Variants in PRICKLE1 observed in about 807,000 individuals in gnomAD.
PRICKLE1 encodes the protein prickle-like protein 1.
In PRICKLE1, 14 loss-of-function variants were observed where a neutral mutation model predicts 70.2. The observed-to-expected ratio is 0.20, with a 90% CI of 0.13 to 0.31. The LOEUF is 0.31. Among genes scored for constraint, PRICKLE1 ranks in the 10% least tolerant of loss-of-function variants. PRICKLE1 has a pLI of 1.00. For synonymous variants in PRICKLE1, 357 were observed against 379.9 expected (o/e 0.94, Z 0.70); for missense variants, 821 against 1,026.2 (o/e 0.80, Z 2.73).
chr12:42,560,243 T>A (rs1566126758), intron 1 of PRICKLE1, among the ~76,000 whole-genome samples: 1 of 151,788 alleles, frequency 6.6e-6, no homozygotes, highest in East Asian at 1.9e-4. Flanking sequence ...TTCAAGCAAT[T>A]TCTCCTGTCT....
chr12:42,527,221 C>T (rs183076081), intron 1 of PRICKLE1, among the ~76,000 whole-genome samples: 1 of 147,414 alleles, frequency 6.8e-6, no homozygotes, highest in East Asian at 2.1e-4. Flanking sequence ...CAATCTCTGC[C>T]TCCCAGGTTC....
intron 1 of PRICKLE1, among the ~76,000 whole-genome samples, chr12:42,536,037 C>G (rs1257613427): frequency 6.6e-6 from 1 of 152,202 alleles, no homozygotes; most frequent in African/African-American, 2.4e-5. Context: ...TTCAAAGCAA[C>G]ACCCGAGTAA....
chr12:42,569,278 T>A (rs1439291079), intron 1 of PRICKLE1, among the ~76,000 whole-genome samples: 1 of 152,198 alleles, frequency 6.6e-6, no homozygotes, highest in Non-Finnish European at 1.5e-5. Context: ...CATTTTACAT[T>A]TAAAAACAAA....
chr12:42,544,331 AT>A (rs1200021273), intron 1 of PRICKLE1, among the ~76,000 whole-genome samples: 1 of 151,968 alleles, frequency 6.6e-6, no homozygotes, highest in Admixed American at 6.6e-5. Flanking sequence ...AGTAGATGTA[AT>A]TTTTTTTGTA....
chr12:42,483,513 G>A (rs1938883479), intron 1 of PRICKLE1: 2 of 151,974 alleles, frequency 1.3e-5, no homozygotes, highest in African/African-American at 2.4e-5. Context: ...GAGGACTCCC[G>A]AAGGAACAGA....
chr12:42,571,314 T>C lies in PRICKLE1; in HGVS notation c.-49+18151A>G, dbSNP rs12298993. 7.5e-3 allele frequency among the ~76,000 whole-genome samples: 1,140 copies of C among 152,276 alleles called. 18 individuals are homozygous for C. Among genetic ancestry groups the C allele is most frequent in the African/African-American group, 0.025 (1,053 of 41,548 alleles). ...ATGAGTTTCAGAGTAAAAAAAAAGATCAGTAAACTGGTTTTATGAAGAGGT... is the reference window on the plus strand; with the variant it reads ...ATGAGTTTCAGAGTAAAAAAAAAGACCAGTAAACTGGTTTTATGAAGAGGT... On this transcript the variant is annotated intron_variant, in intron 1 of 7. Transcript: ENST00000345127.
chr12:42,554,235 T>C (rs898319953), intron 1 of PRICKLE1, among the ~76,000 whole-genome samples: 2 of 152,234 alleles, frequency 1.3e-5, no homozygotes, highest in Non-Finnish European at 2.9e-5. Flanking sequence ...TTTTGTTTAT[T>C]GTTGTGAAGA....
chr12:42,479,675 C>T (rs1317797928), intron 1 of PRICKLE1, among the ~76,000 whole-genome samples: 2 of 152,080 alleles, frequency 1.3e-5, no homozygotes, highest in African/African-American at 2.4e-5. Context: ...GAAATGTAGC[C>T]ACCGGGTGCA....
At chr12:42,557,718 G>T (rs532961874) in intron 1 of PRICKLE1, among the ~76,000 whole-genome samples, 1 of 152,306 alleles carries the variant, frequency 6.6e-6, no homozygotes, top group Non-Finnish European at 1.5e-5. Flanking sequence ...TTCTGTGGGA[G>T]TCATCTTGTT....
chr12:42,492,030 T>C (rs1379611303), intron 1 of PRICKLE1, among the ~76,000 whole-genome samples: 1 of 151,844 alleles, frequency 6.6e-6, no homozygotes, highest in Non-Finnish European at 1.5e-5. Context: ...ATGACCTGCC[T>C]GTCTCGGCCT....
intron 1 of PRICKLE1, among the ~76,000 whole-genome samples, chr12:42,582,558 A>T (rs564460911): frequency 6.6e-6 from 1 of 152,372 alleles, no homozygotes; most frequent in East Asian, 1.9e-4. Flanking sequence ...AGAATGTAAA[A>T]TGTAATCTCT....
At chr12:42,541,676 C>T (rs890712589) in intron 1 of PRICKLE1, among the ~76,000 whole-genome samples, 2 of 152,094 alleles carry the variant, frequency 1.3e-5, no homozygotes, top group African/African-American at 4.8e-5. Flanking sequence ...CTGTTTTCCT[C>T]ATCAAAGTCA....
intron 1 of PRICKLE1, among the ~76,000 whole-genome samples, chr12:42,472,854 A>G (rs1347618874): frequency 6.6e-6 from 1 of 152,222 alleles, no homozygotes; most frequent in African/African-American, 2.4e-5. Flanking sequence ...ATTCCTTAGA[A>G]AAGTTCTCAA....
At chr12:42,513,111 G>A (rs1939545241) in intron 1 of PRICKLE1, among the ~76,000 whole-genome samples, 1 of 152,062 alleles carries the variant, frequency 6.6e-6, no homozygotes, top group South Asian at 2.1e-4. Context: ...ACAGGCGCCT[G>A]CCACCATGCC....
At chr12:42,515,540 C>G (rs190462388) in intron 1 of PRICKLE1, among the ~76,000 whole-genome samples, 17 of 152,272 alleles carry the variant, frequency 1.1e-4, no homozygotes, top group African/African-American at 3.8e-4. Flanking sequence ...GCCCCTAAGG[C>G]ATTATCTGTT....
rs765876974 is a variant in PRICKLE1, at chr12:42,468,664, C to T, written c.550G>A (p.Ala184Thr). Residue 184 changes from alanine to threonine, a missense_variant, in exon 5 of 8, where the codon GCA becomes ACA. Transcript: ENST00000345127. ...DGKIHCGRHHAELLKPRCSAC... is the reference protein window; with the variant it reads ...DGKIHCGRHHTELLKPRCSAC... Reference sequence around the variant, plus strand: ...GAGCACCGTGGTTTGAGCAGTTCTGCATGGTGCCTGCCACAGTGAATTTTT... The same window carrying T: ...GAGCACCGTGGTTTGAGCAGTTCTGTATGGTGCCTGCCACAGTGAATTTTT... 10 of 1,614,048 alleles carry T rather than the reference C, an allele frequency of 6.2e-6. No homozygotes were observed. Among genetic ancestry groups the T allele is most frequent in the Non-Finnish European group, 8.5e-6 (10 of 1,179,994 alleles).
rs759164554 is a variant in PRICKLE1 at position 42,465,013 on chromosome 12, G to T, written c.1021C>A (p.Arg341=). Residue 341 remains arginine, a synonymous_variant, in exon 7 of 8, where the codon CGG becomes AGG. Coordinates refer to ENST00000345127, the MANE Select transcript of PRICKLE1 (RefSeq NM_153026.3). The stretch of plus-strand genomic sequence containing the variant: ...GACTGTCTACACTGATCTGCTGACC[G>T]GCTGCTCTTGCCCATTCGGACACTT... The part of the protein sequence containing the change: ...RRSVRMGKSS[R]SADQCRQSLL... 1 of 1,605,252 alleles carries T rather than the reference G, an allele frequency of 6.2e-7. No individual in the cohort carries two copies. The highest frequency in any genetic ancestry group is 1.1e-5 in the South Asian group (1 of 89,454).
At chr12:42,550,536 C>T (rs2030820336) in intron 1 of PRICKLE1, among the ~76,000 whole-genome samples, 1 of 152,142 alleles carries the variant, frequency 6.6e-6, no homozygotes, top group South Asian at 2.1e-4. Context: ...ACAAAATAGT[C>T]TCCCAAATGT....
chr12:42,541,129 G>A (rs555532270), intron 1 of PRICKLE1, among the ~76,000 whole-genome samples: 2 of 152,188 alleles, frequency 1.3e-5, no homozygotes, highest in South Asian at 4.2e-4. Flanking sequence ...GGTAACATAA[G>A]ATGCACTTTT....
Sources: gnomAD v4.1 joint callset for allele counts (sites outside exome capture counted in the v4.1 genomes callset) on GRCh38, gnomAD v4.1.1 for gene constraint, MANE v1.5 for transcripts, NCBI Gene and HGNC (gene_info 2026-07-23, HGNC 2026-07-21) for gene names.